NOVA2: variants seen among roughly 807,000 people sequenced by gnomAD.
The protein encoded by NOVA2 is RNA-binding protein Nova-2.
NOVA2 carries 9 observed loss-of-function variants against 22.5 expected under a neutral mutation model. That is an observed-to-expected ratio of 0.40 (90% CI 0.24 to 0.70). The LOEUF is 0.70. Among genes scored for constraint, NOVA2 ranks in the 30% least tolerant of loss-of-function variants. NOVA2 has a pLI of 0.38. For missense variants in NOVA2, 383 were observed against 682.8 expected (o/e 0.56, Z 4.89); for synonymous variants, 318 against 335.2 (o/e 0.95, Z 0.56).
At chr19:45,941,378 A>G (rs1359935547) in intron 3 of NOVA2, among the ~76,000 whole-genome samples, 1 of 151,812 alleles carries the variant, frequency 6.6e-6, no homozygotes, top group Non-Finnish European at 1.5e-5. Flanking sequence ...GATGTTGCCC[A>G]GGCTGGTCTT....
chr19:45,934,318 G>A lies in NOVA2; in HGVS notation c.*5545C>T, dbSNP rs113064538. 1,553 of 152,374 alleles carry A rather than the reference G, an allele frequency of 0.01. 22 individuals carry two copies. The highest frequency in any genetic ancestry group is 0.036 in the African/African-American group (1,501 of 41,538). The allele number at this position is 152,374 out of a possible 1,614,324, so 9.4% of individuals were successfully genotyped here. ...TGCTACCCTGTCTCCAACAGAGAAA[G>A]GGGGAAGAGAGGTTCTAGCTCCTCT... On this transcript the variant is annotated 3_prime_UTR_variant, in exon 4 of 4. Coordinates refer to ENST00000263257, the MANE Select transcript of NOVA2 (RefSeq NM_002516.4).
rs1046962719 is a variant in NOVA2, at chr19:45,973,769, G to A, written c.-418C>T. ...GGCCGGGAAAGAACTGAGAGGTGGG[G>A]TCTCTCCTGGGACCACAGAGGCTGG... On this transcript the variant is annotated 5_prime_UTR_variant, in exon 1 of 4. Transcript: ENST00000263257. Among the ~76,000 whole-genome samples, 19 of 151,392 alleles carry A rather than the reference G, an allele frequency of 1.3e-4. No homozygotes were observed. The highest frequency in any genetic ancestry group is 2.4e-4 in the Non-Finnish European group (16 of 67,742).
intron 3 of NOVA2, among the ~76,000 whole-genome samples, chr19:45,944,656 G>GA (rs1264289346): frequency 6.6e-6 from 1 of 152,220 alleles, no homozygotes; most frequent in East Asian, 1.9e-4. Flanking sequence ...GATGAATCTA[G>GA]AAAAAATTAT....
Position 45,939,798 on chromosome 19 carries a change from GGAGGAGGAGAGGGAA to G in NOVA2, c.*50_*64del, listed in dbSNP as rs911499712. 5.0e-6 allele frequency: 8 copies of G among 1,586,738 alleles called. No individual in the cohort carries two copies. The African/African-American group carries it at 5.4e-5, about 11-fold the overall frequency. The stretch of plus-strand genomic sequence containing the variant: ...CCAAGCTGAGGTCAGGAGTTGGGGG[GGAGGAGGAGAGGGAA>G]GAGGAGGAGATGGGAGGAGAGAAAA... On this transcript the variant is annotated 3_prime_UTR_variant, in exon 4 of 4. Coordinates refer to ENST00000263257, the MANE Select transcript of NOVA2 (RefSeq NM_002516.4).
chr19:45,950,469 G>T (rs776814477), intron 3 of NOVA2, among the ~76,000 whole-genome samples: 1 of 152,054 alleles, frequency 6.6e-6, no homozygotes, highest in Non-Finnish European at 1.5e-5. Context: ...CCTGTTATGG[G>T]AAACATTCAA....
At position 45,933,860 on chromosome 19, in the gene NOVA2, C is replaced by T. The variant is rs1967624292; in HGVS notation, c.*6003G>A. The T allele has an allele frequency of 8.1e-6, 1 of 123,646 alleles. No individual in the cohort carries two copies. Among genetic ancestry groups the T allele is most frequent in the Non-Finnish European group, 1.6e-5 (1 of 61,708 alleles). The allele number at this position is 123,646 out of a possible 1,614,324, so 7.7% of individuals were successfully genotyped here. ...CTAATACATGGTGCACTAGGTCACA[C>T]AACGGACACTGGGGGTGGGTGAGTG... On this transcript the variant is annotated 3_prime_UTR_variant, in exon 4 of 4. Transcript: ENST00000263257.
intron 1 of NOVA2, among the ~76,000 whole-genome samples, chr19:45,968,765 C>T (rs1442341272): frequency 1.3e-5 from 2 of 151,952 alleles, no homozygotes; most frequent in African/African-American, 4.8e-5. Flanking sequence ...TGAAATAACT[C>T]GCCTGAGGAT....
chr19:45,973,738 C>T lies in NOVA2; in HGVS notation c.-387G>A, dbSNP rs1363479959. Among the ~76,000 whole-genome samples, 1 of 149,228 alleles carries T rather than the reference C, an allele frequency of 6.7e-6. No individual in the cohort carries two copies. The highest frequency in any genetic ancestry group is 2.0e-4 in the East Asian group (1 of 5,012). On this transcript the variant is annotated 5_prime_UTR_variant, in exon 1 of 4. Coordinates refer to ENST00000263257, the MANE Select transcript of NOVA2 (RefSeq NM_002516.4). ...GGATGGCAGGGCCGAGGGGGGTCTC[C>T]GATAGGGCCGGGAAAGAACTGAGAG...
At chr19:45,965,933 T>G (rs1968161707) in intron 1 of NOVA2, among the ~76,000 whole-genome samples, 1 of 152,172 alleles carries the variant, frequency 6.6e-6, no homozygotes. Context: ...ATTTGAGAAA[T>G]GTTAGATATC....
chr19:45,965,364 T>C (rs971058440), intron 1 of NOVA2, among the ~76,000 whole-genome samples: 1 of 152,200 alleles, frequency 6.6e-6, no homozygotes, highest in Non-Finnish European at 1.5e-5. Context: ...TTCTGCCCCC[T>C]CTCTCTTGTA....
chr19:45,935,165 G>GT lies in NOVA2; in HGVS notation c.*4697dup, dbSNP rs1218846395. 2.0e-5 allele frequency: 3 copies of GT among 151,396 alleles called. No homozygotes were observed. Among genetic ancestry groups the GT allele is most frequent in the African/African-American group, 7.3e-5 (3 of 41,114 alleles). 9.4% of individuals were successfully genotyped at this position (151,396 alleles called of 1,614,324 possible). On this transcript the variant is annotated 3_prime_UTR_variant, in exon 4 of 4. Transcript: ENST00000263257. ...GGGGTGGGGGAGGGGGGGTTAGGCA[G>GT]TCCCCCCCCAGTTATCTCTGGGAGA...
Position 45,940,901 on chromosome 19 carries a change from G to A in NOVA2, c.441C>T (p.Gly147=), listed in dbSNP as rs751448551. 1.2e-6 allele frequency: 2 copies of A among 1,605,184 alleles called. No individual in the cohort carries two copies. The highest frequency in any genetic ancestry group is 4.5e-5 in the East Asian group (2 of 44,852). ...VPNSTAGLII[G]KGGATVKAVM... ...CGGCTTTCACCGTGGCGCCTCCCTT[G>A]CCGATGATCAGGCCCGCCGTGCTGT... Residue 147 remains glycine (G), a synonymous_variant, in exon 4 of 4, where the codon GGC becomes GGT. Transcript: ENST00000263257.
chr19:45,959,087 G>A (rs2146421162), intron 2 of NOVA2, among the ~76,000 whole-genome samples: 1 of 152,364 alleles, frequency 6.6e-6, no homozygotes, highest in Admixed American at 6.5e-5. Flanking sequence ...CTGGCATAGA[G>A]GAAGTGCTCA....
rs1268145384 is a variant in NOVA2 at position 45,973,513 on chromosome 19, C to G, written c.-162G>C. The G allele has an allele frequency of 8.8e-6, 1 of 113,658 alleles. No homozygotes were observed. The highest frequency in any genetic ancestry group is 1.8e-5 in the Non-Finnish European group (1 of 54,150). The allele number at this position is 113,658 out of a possible 1,614,324, so 7.0% of individuals were successfully genotyped here. The stretch of plus-strand genomic sequence containing the variant: ...GGGGCCGCGGAGGCCGTGAAGAGGC[C>G]GTGCACCGCGCCGGCGGCCATCATC... On this transcript the variant is annotated 5_prime_UTR_variant, in exon 1 of 4. Coordinates refer to ENST00000263257, the MANE Select transcript of NOVA2 (RefSeq NM_002516.4).
At chr19:45,946,564 G>A (rs1336541054) in intron 3 of NOVA2, among the ~76,000 whole-genome samples, 1 of 152,092 alleles carries the variant, frequency 6.6e-6, no homozygotes. Context: ...ACATGTTAAA[G>A]TACTTAGGAG....
Position 45,956,253 on chromosome 19 carries a change from C to T in NOVA2, c.230-2307G>A, listed in dbSNP as rs372964048. ...GTGGGTTGGGGTGGGAACTGGGGGGCGGGGTAGGGGGAGGTGGATGCCCCA... is the reference window on the plus strand; with the variant it reads ...GTGGGTTGGGGTGGGAACTGGGGGGTGGGGTAGGGGGAGGTGGATGCCCCA... On this transcript the variant is annotated intron_variant, in intron 2 of 3. Transcript: ENST00000263257. Among the ~76,000 whole-genome samples the T allele has an allele frequency of 4.2e-3, 570 of 136,064 alleles. 3 individuals are homozygous for T. The highest frequency in any genetic ancestry group is 0.014 in the African/African-American group (544 of 37,866). 89.3% of individuals were successfully genotyped at this position (136,064 alleles called of 152,430 possible).
At chr19:45,954,718 T>C (rs79510082) in intron 2 of NOVA2, among the ~76,000 whole-genome samples, 2,931 of 150,892 alleles carry the variant, frequency 0.019, 42 homozygotes, top group Non-Finnish European at 0.033. Flanking sequence ...GTCCTGGGCA[T>C]CCTTCTCATT....
intron 2 of NOVA2, among the ~76,000 whole-genome samples, chr19:45,955,109 GAAAC>G (rs967312675): frequency 6.6e-6 from 1 of 152,134 alleles, no homozygotes; most frequent in Non-Finnish European, 1.5e-5. Flanking sequence ...TTGAGAGAAA[GAAAC>G]AAAAGAATCT....
At chr19:45,944,056 T>A (rs1967801483) in intron 3 of NOVA2, among the ~76,000 whole-genome samples, 1 of 152,240 alleles carries the variant, frequency 6.6e-6, no homozygotes, top group African/African-American at 2.4e-5. Context: ...ACTTTACATA[T>A]GTAGTTGTCT....
Sources: gnomAD v4.1 joint callset for allele counts (sites outside exome capture counted in the v4.1 genomes callset) on GRCh38, gnomAD v4.1.1 for gene constraint, MANE v1.5 for transcripts, NCBI Gene and HGNC (gene_info 2026-07-23, HGNC 2026-07-21) for gene names.